GULP1: variants seen among roughly 807,000 people sequenced by gnomAD.
GULP1 encodes PTB domain-containing engulfment adapter protein 1.
Under a neutral mutation model 40.9 loss-of-function variants are expected in GULP1, and 19 were observed. That is an observed-to-expected ratio of 0.46 (90% CI 0.32 to 0.68). The LOEUF is 0.68. GULP1 is among the 30% of genes least tolerant of loss of function. The probability of loss-of-function intolerance (pLI) is 0.03; values close to 1 mark genes in which losing one functional copy is unlikely to be tolerated. For missense variants in GULP1, 312 were observed against 362.2 expected, an observed-to-expected ratio of 0.86 and a Z score of 1.12; for synonymous variants, 119 against 117.6, an observed-to-expected ratio of 1.01 and a Z score of -0.08.
At chr2:188,393,366 T>G (rs1428541339) in intron 2 of GULP1, among the ~76,000 whole-genome samples, 2 of 152,070 alleles carry the variant, frequency 1.3e-5, no homozygotes, top group Non-Finnish European at 2.9e-5. Flanking sequence ...CTTTAAAGTA[T>G]GTTTATCTGA....
Position 188,529,145 on chromosome 2 carries a change from G to A in GULP1, c.211G>A (p.Glu71Lys). 1 of 1,589,732 alleles carries A rather than the reference G, an allele frequency of 6.3e-7. No homozygotes were observed. The highest frequency in any genetic ancestry group is 2.3e-5 in the East Asian group (1 of 44,298). Residue 71 changes from glutamate (E) to lysine (K), a missense_variant, in exon 6 of 12, where the codon GAG becomes AAG. Physicochemically the swap from Glu to Lys is moderately conservative, Grantham distance 56. Coordinates refer to ENST00000409830, the MANE Select transcript of GULP1 (RefSeq NM_016315.4). The stretch of plus-strand genomic sequence containing the variant: ...TGAAGGCCAGAAAATTCCTAAAGTG[G>A]AGTTGCAAATATCAATTTATGGAGT... ...KSEGQKIPKV[E>K]LQISIYGVKI...
chr2:188,322,120 T>G (rs2040077088), intron 1 of GULP1, among the ~76,000 whole-genome samples: 1 of 152,146 alleles, frequency 6.6e-6, no homozygotes, highest in African/African-American at 2.4e-5. Flanking sequence ...GGGAAAAAAT[T>G]TGTGCATTAC....
chr2:188,514,054 T>TGTGTGTGTGC (rs2064910716), intron 4 of GULP1, among the ~76,000 whole-genome samples: 1 of 146,808 alleles, frequency 6.8e-6, no homozygotes, highest in Non-Finnish European at 1.5e-5. Flanking sequence ...TGTGTGTGTG[T>TGTGTGTGTGC]GTGTGTGTGT....
chr2:188,529,959 G>C (rs181118958), intron 6 of GULP1, among the ~76,000 whole-genome samples: 129 of 152,288 alleles, frequency 8.5e-4, no homozygotes, highest in Non-Finnish European at 1.6e-3. Flanking sequence ...CAGATGTTCA[G>C]AAAGGTTTGC....
intron 2 of GULP1, among the ~76,000 whole-genome samples, chr2:188,400,332 A>G (rs1405600979): frequency 6.6e-6 from 1 of 152,286 alleles, no homozygotes; most frequent in Non-Finnish European, 1.5e-5. Context: ...AAGATTCTGA[A>G]CTGATTGCAT....
At chr2:188,444,323 A>C (rs1222344265) in intron 2 of GULP1, among the ~76,000 whole-genome samples, 2 of 152,224 alleles carry the variant, frequency 1.3e-5, no homozygotes, top group Non-Finnish European at 2.9e-5. Flanking sequence ...TATGTTAAGT[A>C]GCTGGATTTA....
Position 188,522,870 on chromosome 2 carries a change from GT to G in GULP1, c.162+44del, listed in dbSNP as rs769990090. On this transcript the variant is annotated intron_variant, in intron 5 of 11. Transcript: ENST00000409830. Reference sequence around the variant, plus strand: ...AATAAATTACAAGTGTATTGACTCTGTCATGTTTTCAGCAGATTGATGGAGA... The same window carrying G: ...AATAAATTACAAGTGTATTGACTCTGCATGTTTTCAGCAGATTGATGGAGA... 4.1e-6 allele frequency: 5 copies of G among 1,229,722 alleles called. No individual in the cohort carries two copies. The South Asian group carries it at 6.0e-5, about 15-fold the overall frequency. 76.2% of individuals were successfully genotyped at this position (1,229,722 alleles called of 1,614,324 possible).
chr2:188,414,728 AC>A, intron 2 of GULP1, among the ~76,000 whole-genome samples: 1 of 152,306 alleles, frequency 6.6e-6, no homozygotes, highest in Admixed American at 6.5e-5. Context: ...ACATTTTGTG[AC>A]AGGAAGATAA....
intron 4 of GULP1, among the ~76,000 whole-genome samples, chr2:188,502,429 A>T (rs2063520015): frequency 6.6e-6 from 1 of 151,970 alleles, no homozygotes; most frequent in African/African-American, 2.4e-5. Flanking sequence ...ATTATAGAGT[A>T]AATTATTCAT....
At chr2:188,491,097 C>T (rs919129723) in intron 4 of GULP1, among the ~76,000 whole-genome samples, 4 of 151,604 alleles carry the variant, frequency 2.6e-5, no homozygotes, top group Non-Finnish European at 5.9e-5. Context: ...CATGCCTAGC[C>T]GAAATAATTT....
intron 2 of GULP1, among the ~76,000 whole-genome samples, chr2:188,467,299 T>G (rs2060208154): frequency 1.3e-5 from 2 of 152,192 alleles, no homozygotes; most frequent in South Asian, 4.1e-4. Context: ...TGTTGCATAT[T>G]TTCTCTCTGC....
intron 1 of GULP1, among the ~76,000 whole-genome samples, chr2:188,341,501 C>G (rs542987830): frequency 1.2e-3 from 181 of 152,120 alleles, no homozygotes; most frequent in Non-Finnish European, 1.0e-4. Context: ...ATAACTGTTT[C>G]TTTGTTGGGG....
rs115429210 is a variant in GULP1 at position 188,515,129 on chromosome 2, C to A, written c.91-7627C>A. 3.9e-3 allele frequency among the ~76,000 whole-genome samples: 598 copies of A among 152,168 alleles called. 3 individuals carry two copies. The highest frequency in any genetic ancestry group is 0.014 in the African/African-American group (578 of 41,534). On this transcript the variant is annotated intron_variant, in intron 4 of 11. Transcript: ENST00000409830. ...TTAGTTTGAAATGAAACTGCCAAACCATTTTTTTTTTCAGATTGGCTGTAC... is the reference window on the plus strand; with the variant it reads ...TTAGTTTGAAATGAAACTGCCAAACAATTTTTTTTTTCAGATTGGCTGTAC...
At chr2:188,361,880 A>C (rs1180151032) in intron 1 of GULP1, among the ~76,000 whole-genome samples, 1 of 152,106 alleles carries the variant, frequency 6.6e-6, no homozygotes, top group Non-Finnish European at 1.5e-5. Flanking sequence ...TAATTCAAAG[A>C]GATTTTGAAC....
chr2:188,559,155 G>A (rs765236374), intron 7 of GULP1, among the ~76,000 whole-genome samples: 6 of 152,146 alleles, frequency 3.9e-5, no homozygotes, highest in Non-Finnish European at 7.3e-5. Context: ...CACAGGCCCC[G>A]AGGCCTAGGA....
chr2:188,346,831 C>T (rs1341896326), intron 1 of GULP1, among the ~76,000 whole-genome samples: 1 of 150,940 alleles, frequency 6.6e-6, no homozygotes, highest in African/African-American at 2.4e-5. Flanking sequence ...ATTAGCTGGG[C>T]GTGGTGGCAG....
chr2:188,432,414 G>A (rs1450547758), intron 2 of GULP1, among the ~76,000 whole-genome samples: 1 of 151,210 alleles, frequency 6.6e-6, no homozygotes, highest in Non-Finnish European at 1.5e-5. Flanking sequence ...TTTTTAGTCT[G>A]TGACTATCGG....
chr2:188,563,583 C>T (rs112942605), intron 7 of GULP1, among the ~76,000 whole-genome samples: 1,954 of 148,730 alleles, frequency 0.013, 39 homozygotes, highest in African/African-American at 0.045. Context: ...AAAAAAGATT[C>T]GGAACTAAAT....
chr2:188,477,599 C>T lies in GULP1; in HGVS notation c.-44-60C>T, dbSNP rs185698058. ...GCCTTTATAATTAAAACCACATTAG[C>T]AAAAGAGAGGTCAGTCAACAGTCCT... is the stretch of plus-strand genomic sequence containing the variant. On this transcript the variant is annotated intron_variant, in intron 2 of 11. Coordinates refer to ENST00000409830, the MANE Select transcript of GULP1 (RefSeq NM_016315.4). The T allele has an allele frequency of 7.0e-4, 569 of 814,880 alleles. 4 individuals are homozygous for T. The East Asian group carries it at 0.013, about 18-fold the overall frequency. The allele number at this position is 814,880 out of a possible 1,614,324, so 50.5% of individuals were successfully genotyped here.
Sources: gnomAD v4.1 joint callset for allele counts (sites outside exome capture counted in the v4.1 genomes callset) on GRCh38, gnomAD v4.1.1 for gene constraint, MANE v1.5 for transcripts, NCBI Gene and HGNC (gene_info 2026-07-23, HGNC 2026-07-21) for gene names.